PDLIM1: variants seen among roughly 807,000 people sequenced by gnomAD.
PDLIM1 encodes the protein PDZ and LIM domain protein 1.
Under a neutral mutation model 35.2 loss-of-function variants are expected in PDLIM1, and 25 were observed. That is an observed-to-expected ratio of 0.71 (90% CI 0.52 to 0.99). The LOEUF is 0.99. Ranked by LOEUF, PDLIM1 falls within the 50% of genes least tolerant of loss-of-function variation. The probability of loss-of-function intolerance (pLI) is 0.00; values close to 1 mark genes in which losing one functional copy is unlikely to be tolerated. For missense variants in PDLIM1, 363 were observed against 415.3 expected, an observed-to-expected ratio of 0.87 and a Z score of 1.09; for synonymous variants, 152 against 154.0, an observed-to-expected ratio of 0.99 and a Z score of 0.10.
At chr10:95,245,515 C>T (rs1047383242) in intron 5 of PDLIM1, among the ~76,000 whole-genome samples, 1 of 152,182 alleles carries the variant, frequency 6.6e-6, no homozygotes, top group Non-Finnish European at 1.5e-5. Flanking sequence ...ATGAACTTGA[C>T]CTTGCCTCTC....
At position 95,237,692 on chromosome 10, in the gene PDLIM1, A is replaced by G; in HGVS notation, c.*233T>C. ...GAGAAGAACGGTGGGGCGAAGGGAC[A>G]CAGTGTTGCTGACAAGGTGACACTG... On this transcript the variant is annotated 3_prime_UTR_variant, in exon 7 of 7. Transcript: ENST00000329399. 1 of 520,042 alleles carries G rather than the reference A, an allele frequency of 1.9e-6. No individual in the cohort carries two copies. Among genetic ancestry groups the G allele is most frequent in the South Asian group, 2.9e-5 (1 of 35,020 alleles). The allele number at this position is 520,042 out of a possible 1,614,324, so 32.2% of individuals were successfully genotyped here.
chr10:95,265,211 T>TAAAAAAAA (rs11353674), intron 3 of PDLIM1, among the ~76,000 whole-genome samples: 1 of 148,876 alleles, frequency 6.7e-6, no homozygotes. Flanking sequence ...TATGCTTTCT[T>TAAAAAAAA]AAAAAAAAAA....
intron 4 of PDLIM1, among the ~76,000 whole-genome samples, chr10:95,256,446 T>C (rs951937644): frequency 2.0e-5 from 3 of 152,032 alleles, no homozygotes; most frequent in African/African-American, 7.2e-5. Context: ...TTCAAAACAT[T>C]TTACAAAGCT....
At chr10:95,250,787 A>G (rs2035261228) in intron 4 of PDLIM1, among the ~76,000 whole-genome samples, 1 of 152,230 alleles carries the variant, frequency 6.6e-6, no homozygotes, top group South Asian at 2.1e-4. Context: ...ACTTTGGAGT[A>G]ACAATACGTT....
rs575291046 is a variant in PDLIM1, at chr10:95,254,906, CTAAG to C, written c.534-7544_534-7541del. On this transcript the variant is annotated intron_variant, in intron 4 of 6. Coordinates refer to ENST00000329399, the MANE Select transcript of PDLIM1 (RefSeq NM_020992.4). ...CCTGGGCAAGAGAGAGAGACTGCCT[CTAAG>C]TAAGTAAGTAAGTAAGTAAATAAAT... Among the ~76,000 whole-genome samples, 35 of 151,722 alleles carry C rather than the reference CTAAG, an allele frequency of 2.3e-4. 1 individual carries two copies. The South Asian group carries it at 2.9e-3, about 13-fold the overall frequency.
chr10:95,263,094 G>C (rs1454335140), intron 4 of PDLIM1, among the ~76,000 whole-genome samples: 1 of 150,936 alleles, frequency 6.6e-6, no homozygotes, highest in Non-Finnish European at 1.5e-5. Context: ...GCAGTGAGCT[G>C]TGATCAAACC....
chr10:95,242,581 GGAGGCT>G (rs2035187887), intron 5 of PDLIM1, among the ~76,000 whole-genome samples: 1 of 151,946 alleles, frequency 6.6e-6, no homozygotes, highest in African/African-American at 2.4e-5. Flanking sequence ...CAGCTACTTG[GGAGGCT>G]GAGGCAGGAG....
intron 4 of PDLIM1, among the ~76,000 whole-genome samples, chr10:95,261,877 G>T (rs1024521441): frequency 1.7e-4 from 26 of 152,078 alleles, no homozygotes; most frequent in African/African-American, 6.3e-4. Context: ...GCGTGGTGGC[G>T]CATGCCTGTA....
chr10:95,237,717 G>A lies in PDLIM1; in HGVS notation c.*208C>T. The A allele has an allele frequency of 3.6e-6, 2 of 562,572 alleles. No homozygotes were observed. The highest frequency in any genetic ancestry group is 3.1e-5 in the Admixed American group (1 of 32,150). 34.8% of individuals were successfully genotyped at this position (562,572 alleles called of 1,614,324 possible). A position where few individuals can be genotyped will look rare whatever the true frequency, so the allele number is the denominator to read the frequency against. ...ACAGTGTTGCTGACAAGGTGACACT[G>A]AACAAAACAGTTTTCCTTTAATTGT... On this transcript the variant is annotated 3_prime_UTR_variant, in exon 7 of 7. Transcript: ENST00000329399.
intron 4 of PDLIM1, among the ~76,000 whole-genome samples, chr10:95,257,238 T>TA (rs888556508): frequency 2.6e-5 from 4 of 151,034 alleles, no homozygotes; most frequent in African/African-American, 4.9e-5. Flanking sequence ...AAAATAAAAA[T>TA]AAAAAAAGCT....
intron 4 of PDLIM1, among the ~76,000 whole-genome samples, chr10:95,255,769 G>A (rs1023969602): frequency 6.6e-6 from 1 of 152,054 alleles, no homozygotes; most frequent in African/African-American, 2.4e-5. Flanking sequence ...TAGCATTGGA[G>A]GTCCTAATCA....
At chr10:95,245,882 G>A (rs1259734148) in intron 5 of PDLIM1, among the ~76,000 whole-genome samples, 1 of 152,118 alleles carries the variant, frequency 6.6e-6, no homozygotes, top group Non-Finnish European at 1.5e-5. Flanking sequence ...TATCAGAAAG[G>A]GCTCCCCAGG....
At chr10:95,251,315 G>A (rs193001430) in intron 4 of PDLIM1, among the ~76,000 whole-genome samples, 6 of 151,936 alleles carry the variant, frequency 3.9e-5, no homozygotes, top group Non-Finnish European at 7.4e-5. Context: ...GGCCAGGTGC[G>A]GTGGCTCACA....
chr10:95,289,615 C>T (rs1376934154), intron 1 of PDLIM1, among the ~76,000 whole-genome samples: 1 of 152,252 alleles, frequency 6.6e-6, no homozygotes, highest in Admixed American at 6.5e-5. Context: ...TCCCACCAAA[C>T]TCCTTCAGCT....
chr10:95,248,649 T>C (rs1300751457), intron 4 of PDLIM1, among the ~76,000 whole-genome samples: 5 of 152,276 alleles, frequency 3.3e-5, no homozygotes, highest in African/African-American at 2.4e-5. Context: ...CTAAAATATA[T>C]GTTTAATCAA....
Position 95,285,466 on chromosome 10 carries a change from T to C in PDLIM1, c.96+5354A>G, listed in dbSNP as rs561993374. On this transcript the variant is annotated intron_variant, in intron 1 of 6. Transcript: ENST00000329399. ...TTATGGCTTATTAGGAGGCAGAATA[T>C]AGTGGTTAAAGCTGGCCTGGAAGTG... Among the ~76,000 whole-genome samples, 41 of 152,260 alleles carry C rather than the reference T, an allele frequency of 2.7e-4. No individual in the cohort carries two copies. In the South Asian group the frequency reaches 6.8e-3, roughly 25 times the overall value.
intron 6 of PDLIM1, among the ~76,000 whole-genome samples, 185 bp downstream of exon 6, chr10:95,238,383 G>A (rs376676617): frequency 6.6e-6 from 1 of 152,116 alleles, no homozygotes; most frequent in East Asian, 1.9e-4. Context: ...TAAGGGCTCC[G>A]CAGTGAAGGA....
At chr10:95,257,933 C>T (rs890762488) in intron 4 of PDLIM1, among the ~76,000 whole-genome samples, 1 of 152,058 alleles carries the variant, frequency 6.6e-6, no homozygotes, top group African/African-American at 2.4e-5. Flanking sequence ...GTTTTCATGC[C>T]GCAGATAAAG....
intron 1 of PDLIM1, among the ~76,000 whole-genome samples, chr10:95,274,579 G>A (rs922889194): frequency 6.6e-6 from 1 of 152,136 alleles, no homozygotes; most frequent in Admixed American, 6.5e-5. Flanking sequence ...TTACAGGCGT[G>A]AGCCACCATG....
Sources: allele counts gnomAD v4.1 joint callset (sites outside exome capture counted in the v4.1 genomes callset), GRCh38; gene constraint gnomAD v4.1.1; transcripts MANE v1.5; gene names NCBI Gene and HGNC (gene_info 2026-07-23, HGNC 2026-07-21).